The following KIFC2 variants were observed in gnomAD, a reference collection of about 807,000 sequenced individuals.
The protein encoded by KIFC2 is kinesin-like protein KIFC2.
In KIFC2, 94 loss-of-function variants were observed where a neutral mutation model predicts 91.5. That is an observed-to-expected ratio of 1.03 (90% CI 0.87 to 1.22). KIFC2 has a LOEUF of 1.22. Ranked by LOEUF, KIFC2 falls within the 50% of genes most tolerant of loss-of-function variation. KIFC2 has a pLI of 0.00. For missense variants in KIFC2, 1,357 were observed against 1,103.3 expected, an observed-to-expected ratio of 1.23 and a Z score of -3.26; for synonymous variants, 729 against 503.9, an observed-to-expected ratio of 1.45 and a Z score of -5.98.
intron 10 of KIFC2, 128 bp downstream of exon 10, chr8:144,468,962 G>T: frequency 1.4e-6 from 1 of 727,168 alleles, no homozygotes. Flanking sequence ...GCTTCTGTGT[G>T]ACCCAGGGTG....
At position 144,472,649 on chromosome 8, in the gene KIFC2, G is replaced by C. The variant is rs371551700; in HGVS notation, c.1804G>C (p.Ala602Pro). 6.2e-7 allele frequency: 1 copy of C among 1,600,626 alleles called. No homozygotes were observed. The highest frequency in any genetic ancestry group is 8.5e-7 in the Non-Finnish European group (1 of 1,179,348). ...AMNQRSSRSH[A>P]LVTLTLRAAS... ...GAACCAGCGCAGCTCCCGCTCGCAT[G>C]CCCTGGTCACGCTGACGCTGCGCGC... The change falls in exon 16 of 18, where the codon GCC becomes CCC. Residue 602 changes from alanine (A) to proline (P), a missense_variant. Physicochemically the swap from Ala to Pro is conservative, Grantham distance 27 (BLOSUM62 -1). Coordinates refer to ENST00000645548, the MANE Select transcript of KIFC2 (RefSeq NM_001369769.2).
chr8:144,466,886 T>C (rs1272045492), intron 2 of KIFC2, 48 bp downstream of exon 2: 3 of 1,541,880 alleles, frequency 1.9e-6, no homozygotes, highest in Non-Finnish European at 2.6e-6. Context: ...TGCCGGGACC[T>C]CCCAGGGAGG....
At chr8:144,469,732 C>G in intron 12 of KIFC2, 85 bp downstream of exon 12, 1 of 1,463,814 alleles carries the variant, frequency 6.8e-7, no homozygotes, top group Non-Finnish European at 9.1e-7. Context: ...CCTTCCCAGT[C>G]TGGGTGTCCA....
In KIFC2 at chr8:144,466,428, C is replaced by G. The variant is rs750961600; in HGVS notation, c.9C>G (p.Ala3=). The part of the protein sequence containing the change: MY[A]FYSLLIYIFY... The stretch of plus-strand genomic sequence containing the variant: ...TGCCGCCCCGCGCTCCCATGTACGC[C>G]TTTTACTCGTTGCTCATCTACATCT... Residue 3 remains alanine, a synonymous_variant, in exon 1 of 18, where the codon GCC becomes GCG. Coordinates refer to ENST00000645548, the MANE Select transcript of KIFC2 (RefSeq NM_001369769.2). 7.4e-6 allele frequency: 10 copies of G among 1,347,884 alleles called. No homozygotes were observed. In the African/African-American group the frequency reaches 1.2e-4, roughly 17 times the overall value. The allele number at this position is 1,347,884 out of a possible 1,614,324, so 83.5% of individuals were successfully genotyped here. A position where few individuals can be genotyped will look rare whatever the true frequency, so the allele number is the denominator to read the frequency against.
chr8:144,467,121 C>T lies in KIFC2; in HGVS notation c.330+11C>T, dbSNP rs766552844. On this transcript the variant is annotated intron_variant, in intron 3 of 17. Transcript: ENST00000645548. ...GCGGACCTGGGCCAGGTGAGCGCGG[C>T]GGAGGGGGCTGCTGGCAGGTACCAC... The T allele has an allele frequency of 6.2e-7, 1 of 1,606,822 alleles. No individual in the cohort carries two copies. Among genetic ancestry groups the T allele is most frequent in the Non-Finnish European group, 8.5e-7 (1 of 1,176,844 alleles).
In KIFC2 at chr8:144,468,935, G is replaced by A. The variant is rs761276761; in HGVS notation, c.1113+101G>A. Reference sequence around the variant, plus strand: ...GGAGTTGGCTGTACTAATAAGTGGGGCTCTGGAACCCAAACAGCTTCTGTG... The same window carrying A: ...GGAGTTGGCTGTACTAATAAGTGGGACTCTGGAACCCAAACAGCTTCTGTG... On this transcript the variant is annotated intron_variant, in intron 10 of 17. Coordinates refer to ENST00000645548, the MANE Select transcript of KIFC2 (RefSeq NM_001369769.2). 6.7e-5 allele frequency: 63 copies of A among 943,334 alleles called. 1 individual carries two copies. The highest frequency in any genetic ancestry group is 2.6e-4 in the Admixed American group (11 of 42,392). 58.4% of individuals were successfully genotyped at this position (943,334 alleles called of 1,614,324 possible).
Position 144,467,091 on chromosome 8 carries a change from G to A in KIFC2, c.311G>A (p.Gly104Asp). Reference sequence around the variant, plus strand: ...CTGGGGGCGGAAGAGAGCTGCGGGGGCCCGGCGGACCTGGGCCAGGTGAGC... The same window carrying A: ...CTGGGGGCGGAAGAGAGCTGCGGGGACCCGGCGGACCTGGGCCAGGTGAGC... ...VQLGAEESCG[G>D]PADLGQSGEV... The change falls in exon 3 of 18, where the codon GGC becomes GAC. Residue 104 changes from glycine to aspartate, a missense_variant. By Grantham distance (94) the Gly-to-Asp change is moderately conservative. Transcript: ENST00000645548. 6.3e-7 allele frequency: 1 copy of A among 1,598,684 alleles called. No homozygotes were observed. The highest frequency in any genetic ancestry group is 1.7e-5 in the Admixed American group (1 of 58,450).
chr8:144,466,585 CGGGGCG>C, intron 1 of KIFC2, 67 bp downstream of exon 1: 1 of 940,266 alleles, frequency 1.1e-6, no homozygotes, highest in Non-Finnish European at 1.4e-6. Context: ...CCGAGGTTCC[CGGGGCG>C]GGGGCGGGCA....
rs375417366 is a variant in KIFC2 at position 144,472,928 on chromosome 8, G to T, written c.1995G>T (p.Ala665=). Reference sequence around the variant, plus strand: ...AGACCATAAACCGCTCGCTGCTGGCGCTAGGAGGCGTGATGGCCGCACTGC... The same window carrying T: ...AGACCATAAACCGCTCGCTGCTGGCTCTAGGAGGCGTGATGGCCGCACTGC... ...EAQTINRSLL[A]LGGVMAALRA... Residue 665 remains alanine, a synonymous_variant, in exon 17 of 18, where the codon GCG becomes GCT. Transcript: ENST00000645548. The T allele has an allele frequency of 8.7e-6, 13 of 1,488,302 alleles. No individual in the cohort carries two copies. 92.2% of individuals were successfully genotyped at this position (1,488,302 alleles called of 1,614,324 possible). A position where few individuals can be genotyped will look rare whatever the true frequency, so the allele number is the denominator to read the frequency against.
Position 144,474,163 on chromosome 8 carries a change from C to G in KIFC2, c.*774C>G, listed in dbSNP as rs1586727025. ...TCGAGGCTGCTGTGGTCGCAGACAG[C>G]CGCCTCGCCTTGGCTCCCTGTCAAC... On this transcript the variant is annotated 3_prime_UTR_variant, in exon 18 of 18. Transcript: ENST00000645548. The G allele has an allele frequency of 8.3e-7, 1 of 1,197,752 alleles. No individual in the cohort carries two copies. The highest frequency in any genetic ancestry group is 2.5e-5 in the East Asian group (1 of 39,868). The allele number at this position is 1,197,752 out of a possible 1,614,324, so 74.2% of individuals were successfully genotyped here. A position where few individuals can be genotyped will look rare whatever the true frequency, so the allele number is the denominator to read the frequency against.
At chr8:144,471,908 G>T (rs567462962) in intron 12 of KIFC2, 34 bp from the exon 13 acceptor site, 1 of 1,598,242 alleles carries the variant, frequency 6.3e-7, no homozygotes, top group Non-Finnish European at 8.6e-7. Flanking sequence ...GCAACGTGGG[G>T]AGGACTCAAA....
Position 144,467,872 on chromosome 8 carries a change from C to T in KIFC2, c.695C>T (p.Ser232Leu). The change falls in exon 7 of 18, where the codon TCA (serine) becomes TTA (leucine). Residue 232 changes from serine to leucine, a missense_variant. By Grantham distance (145) the Ser-to-Leu change is moderately radical. Transcript: ENST00000645548. Reference protein sequence around the residue: ...RLRLGVGATDSEKRVQHLTLE... With the variant: ...RLRLGVGATDLEKRVQHLTLE... Reference sequence around the variant, plus strand: ...CCTCTCCACCAGGGGGCGACGGACTCAGAGAAAAGGGTTCAGCATCTGACT... The same window carrying T: ...CCTCTCCACCAGGGGGCGACGGACTTAGAGAAAAGGGTTCAGCATCTGACT... The T allele has an allele frequency of 3.7e-6, 6 of 1,613,474 alleles. No individual in the cohort carries two copies. Among genetic ancestry groups the T allele is most frequent in the African/African-American group, 1.3e-5 (1 of 75,048 alleles).
At position 144,471,922 on chromosome 8, in the gene KIFC2, C is replaced by T; in HGVS notation, c.1381-20C>T. 1 of 1,610,410 alleles carries T rather than the reference C, an allele frequency of 6.2e-7. No individual in the cohort carries two copies. The highest frequency in any genetic ancestry group is 8.5e-7 in the Non-Finnish European group (1 of 1,177,598). ...GGCAACGTGGGGAGGACTCAAAACA[C>T]ATTCTCCCGCCTCCCGCAGGTCTTC... On this transcript the variant is annotated intron_variant, in intron 12 of 17. Coordinates refer to ENST00000645548, the MANE Select transcript of KIFC2 (RefSeq NM_001369769.2).
intron 12 of KIFC2, among the ~76,000 whole-genome samples, chr8:144,470,411 C>T (rs1269396176): frequency 1.3e-5 from 2 of 152,268 alleles, no homozygotes; most frequent in Admixed American, 6.5e-5. Flanking sequence ...GTCAATGTGT[C>T]TGAACCAAAG....
Position 144,469,590 on chromosome 8 carries a change from G to A in KIFC2, c.1323G>A (p.Gly441=), listed in dbSNP as rs1824846567. The change falls in exon 12 of 18, where the codon GGG becomes GGA. Residue 441 remains glycine (G), a synonymous_variant. Coordinates refer to ENST00000645548, the MANE Select transcript of KIFC2 (RefSeq NM_001369769.2). The part of the protein sequence containing the change: ...PGGTVTTCYR[G]RHRRFRLDWV... ...GCACCGTCACCACCTGCTACCGGGG[G>A]CGCCATCGTCGATTCCGCCTAGACT... 6.2e-7 allele frequency: 1 copy of A among 1,612,806 alleles called. No individual in the cohort carries two copies. The highest frequency in any genetic ancestry group is 8.5e-7 in the Non-Finnish European group (1 of 1,179,692).
rs1564747932 is a variant in KIFC2, at chr8:144,468,639, G to A, written c.992G>A (p.Gly331Glu). Residue 331 changes from glycine to glutamate, a missense_variant, in exon 9 of 18, where the codon GGG becomes GAG. Transcript: ENST00000645548. ...AGGCGTGAGCTACAGCAGATGCATG[G>A]GCAGCTGGCAGGTAAGGGTTGGGGT... Reference protein sequence around the residue: ...NCRRELQQMHGQLAGLRARMA... With the variant: ...NCRRELQQMHEQLAGLRARMA... The A allele has an allele frequency of 1.2e-6, 2 of 1,613,364 alleles. No individual in the cohort carries two copies. The highest frequency in any genetic ancestry group is 2.2e-5 in the East Asian group (1 of 44,874).
rs1824773496 is a variant in KIFC2, at chr8:144,468,319, C to T, written c.811-10C>T. On this transcript the variant is annotated splice_polypyrimidine_tract_variant and intron_variant, in intron 7 of 17. Coordinates refer to ENST00000645548, the MANE Select transcript of KIFC2 (RefSeq NM_001369769.2). ...TCTCTGAGTCCCTCCTGGCCCCCAC[C>T]CTCCCGCAGGAGGAGGCAGAGGCAT... is the stretch of plus-strand genomic sequence containing the variant. 3.7e-6 allele frequency: 6 copies of T among 1,606,260 alleles called. No homozygotes were observed. Among genetic ancestry groups the T allele is most frequent in the East Asian group, 2.2e-5 (1 of 44,640 alleles).
At chr8:144,467,152 C>G (rs201345666) in intron 3 of KIFC2, 42 bp downstream of exon 3, 62 of 1,612,360 alleles carry the variant, frequency 3.8e-5, no homozygotes, top group Non-Finnish European at 5.0e-5. Context: ...ACCACCTGCC[C>G]CGGCCTTCCT....
chr8:144,466,397 G>C lies in KIFC2; in HGVS notation c.-23G>C. 1 of 1,106,580 alleles carries C rather than the reference G, an allele frequency of 9.0e-7. No homozygotes were observed. The highest frequency in any genetic ancestry group is 1.2e-6 in the Non-Finnish European group (1 of 852,636). 68.5% of individuals were successfully genotyped at this position (1,106,580 alleles called of 1,614,324 possible). On this transcript the variant is annotated 5_prime_UTR_variant, in exon 1 of 18. Transcript: ENST00000645548. ...GGGACGCGGGGCGGCGCGAAGCGGG[G>C]CCCTCTGCCGCCCCGCGCTCCCATG... is the stretch of plus-strand genomic sequence containing the variant.
Sources: gnomAD v4.1 joint callset for allele counts (sites outside exome capture counted in the v4.1 genomes callset) on GRCh38, gnomAD v4.1.1 for gene constraint, MANE v1.5 for transcripts, NCBI Gene and HGNC (gene_info 2026-07-23, HGNC 2026-07-21) for gene names.